RIC3: variants seen among roughly 807,000 people sequenced by gnomAD.
RIC3 encodes the protein RIC3 acetylcholine receptor chaperone.
Under a neutral mutation model 27.3 loss-of-function variants are expected in RIC3, and 28 were observed. The ratio of observed to expected loss-of-function variants is 1.02; its 90% CI spans 0.76 to 1.41. The LOEUF is 1.41. Ranked by LOEUF, RIC3 falls within the 40% of genes most tolerant of loss-of-function variation. The pLI, the probability that RIC3 is intolerant of heterozygous loss-of-function variation, is 0.00. For missense variants in RIC3, 501 were observed against 444.7 expected (o/e 1.13, Z -1.14); for synonymous variants, 184 against 160.4 (o/e 1.15, Z -1.11).
chr11:8,133,567 C>A (rs1033259203), intron 4 of RIC3, among the ~76,000 whole-genome samples: 6 of 152,198 alleles, frequency 3.9e-5, no homozygotes, highest in Non-Finnish European at 8.8e-5. Flanking sequence ...AAGTATTACA[C>A]AACCTTTGCC....
chr11:8,148,220 T>A (rs1367555444), intron 1 of RIC3, among the ~76,000 whole-genome samples: 1 of 152,090 alleles, frequency 6.6e-6, no homozygotes, highest in Non-Finnish European at 1.5e-5. Context: ...AATGCTTCTT[T>A]TAGAGACTGG....
chr11:8,150,396 T>G (rs1198606244), intron 1 of RIC3, among the ~76,000 whole-genome samples: 1 of 152,164 alleles, frequency 6.6e-6, no homozygotes, highest in Non-Finnish European at 1.5e-5. Context: ...AACTCCAAGA[T>G]CAAGAGTTTA....
chr11:8,131,510 T>C (rs1947700480), intron 4 of RIC3, among the ~76,000 whole-genome samples: 1 of 152,202 alleles, frequency 6.6e-6, no homozygotes, highest in Non-Finnish European at 1.5e-5. Flanking sequence ...ATCTATGAGA[T>C]ATGTCCAGTG....
intron 1 of RIC3, among the ~76,000 whole-genome samples, chr11:8,160,641 G>A (rs1951082398): frequency 6.6e-6 from 1 of 152,186 alleles, no homozygotes; most frequent in African/African-American, 2.4e-5. Context: ...AGCAAAGTCA[G>A]CAAGGAAAAT....
chr11:8,168,729 G>T, intron 1 of RIC3, 137 bp downstream of exon 1: 2 of 1,302,974 alleles, frequency 1.5e-6, no homozygotes, highest in Admixed American at 3.0e-5. Context: ...CTTCAACGCC[G>T]TCTCGCCCGC....
chr11:8,111,185 A>G, intron 5 of RIC3, 48 bp from the exon 6 acceptor site: 1 of 1,355,020 alleles, frequency 7.4e-7, no homozygotes, highest in Non-Finnish European at 1.0e-6. Flanking sequence ...TCTCCTCAAA[A>G]AAAAAAAAAA....
intron 4 of RIC3, among the ~76,000 whole-genome samples, chr11:8,129,066 T>G (rs1947358187): frequency 6.6e-6 from 1 of 152,048 alleles, no homozygotes; most frequent in Non-Finnish European, 1.5e-5. Context: ...AAACTTTTAC[T>G]CCTAAGTGAT....
intron 4 of RIC3, among the ~76,000 whole-genome samples, chr11:8,127,706 T>C (rs553917102): frequency 6.6e-6 from 1 of 152,304 alleles, no homozygotes; most frequent in Non-Finnish European, 1.5e-5. Context: ...CAGGATTTAA[T>C]GGAGGCTACT....
intron 4 of RIC3, 71 bp downstream of exon 4, chr11:8,137,307 G>A (rs1283083655): frequency 9.3e-6 from 13 of 1,395,694 alleles, no homozygotes; most frequent in South Asian, 4.7e-5. Context: ...TAGAGGCCTC[G>A]GCCACTGCAC....
chr11:8,152,821 G>A (rs1950355755), intron 1 of RIC3, among the ~76,000 whole-genome samples: 2 of 151,768 alleles, frequency 1.3e-5, no homozygotes, highest in African/African-American at 2.4e-5. Context: ...TTCAAATTGT[G>A]GTCCTAATTC....
rs149723911 is a variant in RIC3, at chr11:8,128,358, A to C, written c.522-1551T>G. 2,650 of 439,800 alleles carry C rather than the reference A, an allele frequency of 6.0e-3. 15 individuals carry two copies. The highest frequency in any genetic ancestry group is 8.3e-3 in the Non-Finnish European group (1,836 of 219,970). 27.2% of individuals were successfully genotyped at this position (439,800 alleles called of 1,614,324 possible). A position where few individuals can be genotyped will look rare whatever the true frequency, so the allele number is the denominator to read the frequency against. On this transcript the variant is annotated intron_variant, in intron 4 of 5. Transcript: ENST00000309737. ...TGGGAAATCAGAAGCCCTTATCCTAAAAGAGGATGGGTAGACTACAGGAAG... is the reference window on the plus strand; with the variant it reads ...TGGGAAATCAGAAGCCCTTATCCTACAAGAGGATGGGTAGACTACAGGAAG...
At chr11:8,100,511 C>T in the RIC3 span, 201 of 1,614,028 alleles carry the variant, frequency 1.2e-4, no homozygotes, top group Middle Eastern at 6.6e-4. Context: ...AGGAGACAAA[C>T]GTCTTAGGCT....
chr11:8,157,651 C>G lies in RIC3; in HGVS notation c.124+11215G>C, dbSNP rs536449110. On this transcript the variant is annotated intron_variant, in intron 1 of 5. Transcript: ENST00000309737. Reference sequence around the variant, plus strand: ...TGGATCTTGCCTACTACAATCTTTGCTGACCTGATTTGGATGAATTATACT... The same window carrying G: ...TGGATCTTGCCTACTACAATCTTTGGTGACCTGATTTGGATGAATTATACT... Among the ~76,000 whole-genome samples, 7 of 152,316 alleles carry G rather than the reference C, an allele frequency of 4.6e-5. No homozygotes were observed. In the South Asian group the frequency reaches 1.4e-3, roughly 32 times the overall value.
intron 1 of RIC3, among the ~76,000 whole-genome samples, chr11:8,154,812 T>C (rs1388549519): frequency 2.6e-5 from 4 of 152,190 alleles, no homozygotes; most frequent in African/African-American, 9.7e-5. Flanking sequence ...TATCAGAACA[T>C]AAAACTGTAG....
the RIC3 span, among the ~76,000 whole-genome samples, chr11:8,094,782 CT>C: frequency 6.6e-6 from 1 of 152,238 alleles, no homozygotes; most frequent in Non-Finnish European, 1.5e-5. Flanking sequence ...GTTTCCTCAA[CT>C]TTTGTTCACG....
chr11:8,128,576 G>A (rs1002802856), intron 4 of RIC3, among the ~76,000 whole-genome samples: 2 of 151,938 alleles, frequency 1.3e-5, no homozygotes, highest in African/African-American at 2.4e-5. Flanking sequence ...GATACTCCTA[G>A]AGGGCAGTAA....
At position 8,145,200 on chromosome 11, in the gene RIC3, A is replaced by G. The variant is rs10839980; in HGVS notation, c.125-5007T>C. The stretch of plus-strand genomic sequence containing the variant: ...TATAATAAAAAAAAATTAAAAAAAA[A>G]TTAAAAAAAAAAAAGAAAGAAAATA... On this transcript the variant is annotated intron_variant, in intron 1 of 5. Transcript: ENST00000309737. Among the ~76,000 whole-genome samples the G allele has an allele frequency of 6.4e-5, 7 of 108,828 alleles. No individual in the cohort carries two copies. The East Asian group carries it at 2.0e-3, about 30-fold the overall frequency. The allele number at this position is 108,828 out of a possible 152,430, so 71.4% of individuals were successfully genotyped here. A position where few individuals can be genotyped will look rare whatever the true frequency, so the allele number is the denominator to read the frequency against.
the RIC3 span, chr11:8,098,617 C>T: frequency 1.6e-6 from 1 of 643,560 alleles, no homozygotes; most frequent in Non-Finnish European, 2.8e-6. Context: ...GATGTGGATT[C>T]AGTGAGCAGT....
chr11:8,121,326 T>A (rs1458000401), intron 5 of RIC3, among the ~76,000 whole-genome samples: 2 of 152,220 alleles, frequency 1.3e-5, no homozygotes, highest in African/African-American at 4.8e-5. Flanking sequence ...TACTTTTTTA[T>A]ATGTTTCATA....
Sources: allele counts gnomAD v4.1 joint callset (sites outside exome capture counted in the v4.1 genomes callset), GRCh38; gene constraint gnomAD v4.1.1; transcripts MANE v1.5; gene names NCBI Gene and HGNC (gene_info 2026-07-23, HGNC 2026-07-21).